Variants in CTNND2 observed in about 807,000 individuals in gnomAD.
CTNND2 encodes the protein catenin delta 2.
Under a neutral mutation model 144.4 loss-of-function variants are expected in CTNND2, and 22 were observed. The ratio of observed to expected loss-of-function variants is 0.15; its 90% CI spans 0.11 to 0.22. CTNND2 has a LOEUF of 0.22. CTNND2 is among the 10% of genes least tolerant of loss of function. CTNND2 has a pLI of 1.00. For synonymous variants in CTNND2, 751 were observed against 695.6 expected, an observed-to-expected ratio of 1.08 and a Z score of -1.25; for missense variants, 1,353 against 1,618.8, an observed-to-expected ratio of 0.84 and a Z score of 2.82.
intron 2 of CTNND2, among the ~76,000 whole-genome samples, chr5:11,591,746 T>A (rs1167012026): frequency 2.6e-5 from 4 of 152,168 alleles, no homozygotes; most frequent in African/African-American, 9.7e-5. Context: ...CTGCCTTTTG[T>A]GTATTTGTGT....
chr5:11,044,903 A>T (rs1745073214), intron 16 of CTNND2, among the ~76,000 whole-genome samples: 1 of 152,350 alleles, frequency 6.6e-6, no homozygotes, highest in East Asian at 1.9e-4. Flanking sequence ...CCCTTGGGCC[A>T]CCACTGGGGA....
chr5:11,482,824 A>T (rs890015376), intron 3 of CTNND2, among the ~76,000 whole-genome samples: 1 of 152,126 alleles, frequency 6.6e-6, no homozygotes, highest in African/African-American at 2.4e-5. Flanking sequence ...ATCAGCAAGG[A>T]GACCAAGGGG....
intron 9 of CTNND2, among the ~76,000 whole-genome samples, chr5:11,294,177 C>CA (rs34764407): frequency 0.09 from 11,916 of 133,032 alleles, 593 homozygotes; most frequent in South Asian, 0.16. Flanking sequence ...GTCACAATCT[C>CA]AAAAAAAAAA....
chr5:11,466,479 C>A (rs1220305820), intron 3 of CTNND2, among the ~76,000 whole-genome samples: 1 of 152,096 alleles, frequency 6.6e-6, no homozygotes, highest in Admixed American at 6.5e-5. Flanking sequence ...ATTCTATAAT[C>A]AAATCCACAC....
At chr5:11,163,944 T>G (rs1759041967) in intron 11 of CTNND2, among the ~76,000 whole-genome samples, 1 of 152,030 alleles carries the variant, frequency 6.6e-6, no homozygotes. Flanking sequence ...AAAACACAAA[T>G]TTATAGGTTT....
At chr5:11,098,320 T>C (rs1288201170) in intron 15 of CTNND2, among the ~76,000 whole-genome samples, 5 of 151,210 alleles carry the variant, frequency 3.3e-5, no homozygotes, top group Non-Finnish European at 5.9e-5. Context: ...ATGAAAAACA[T>C]TTCACAGCAT....
At chr5:11,658,044 A>C (rs1783006647) in intron 2 of CTNND2, among the ~76,000 whole-genome samples, 1 of 152,094 alleles carries the variant, frequency 6.6e-6, no homozygotes, top group African/African-American at 2.4e-5. Context: ...TTTATTACTA[A>C]AGCAAATTTT....
chr5:11,641,707 CGTGTGT>C (rs1191293450), intron 2 of CTNND2, among the ~76,000 whole-genome samples: 35 of 121,648 alleles, frequency 2.9e-4, no homozygotes, highest in African/African-American at 1.2e-3. Context: ...TATACATATA[CGTGTGT>C]GTATACATAT....
At chr5:11,487,223 G>C (rs186320187) in intron 3 of CTNND2, among the ~76,000 whole-genome samples, 148 of 152,108 alleles carry the variant, frequency 9.7e-4, no homozygotes, top group African/African-American at 3.3e-3. Flanking sequence ...TATACTCTTA[G>C]CTTCTACTTA....
intron 1 of CTNND2, among the ~76,000 whole-genome samples, chr5:11,878,839 A>G (rs1469405039): frequency 6.6e-6 from 1 of 152,190 alleles, no homozygotes; most frequent in Non-Finnish European, 1.5e-5. Context: ...ACATTGGGGC[A>G]CCATCATTTG....
intron 2 of CTNND2, among the ~76,000 whole-genome samples, chr5:11,714,622 G>C (rs1254624172): frequency 3.3e-5 from 5 of 151,986 alleles, no homozygotes; most frequent in Admixed American, 3.3e-4. Context: ...TAATAATTCA[G>C]GGGGCCTGGC....
intron 9 of CTNND2, among the ~76,000 whole-genome samples, chr5:11,338,498 C>T (rs1021315038): frequency 2.6e-5 from 4 of 152,100 alleles, no homozygotes; most frequent in Admixed American, 6.5e-5. Context: ...GGTCTGTATA[C>T]GAGAGCACAA....
intron 1 of CTNND2, among the ~76,000 whole-genome samples, chr5:11,758,309 CA>C (rs1254600078): frequency 6.6e-6 from 1 of 151,772 alleles, no homozygotes; most frequent in Non-Finnish European, 1.5e-5. Context: ...ATAATTAAAT[CA>C]GGATAGCTAA....
chr5:11,389,212 A>G (rs1759388736), intron 6 of CTNND2, among the ~76,000 whole-genome samples: 1 of 152,154 alleles, frequency 6.6e-6, no homozygotes, highest in African/African-American at 2.4e-5. Context: ...CCACTCCTTC[A>G]AAATGAGGAA....
chr5:11,410,639 T>A (rs1761439864), intron 5 of CTNND2, among the ~76,000 whole-genome samples: 1 of 152,148 alleles, frequency 6.6e-6, no homozygotes, highest in Admixed American at 6.5e-5. Flanking sequence ...CCATTCTGGT[T>A]GAAAAATACG....
chr5:11,109,938 T>A (rs372079372), intron 14 of CTNND2, among the ~76,000 whole-genome samples: 1 of 152,248 alleles, frequency 6.6e-6, no homozygotes, highest in African/African-American at 2.4e-5. Context: ...GTATCATCTA[T>A]ACCTATATCT....
chr5:11,880,032 C>G (rs1735912145), intron 1 of CTNND2, among the ~76,000 whole-genome samples: 2 of 152,182 alleles, frequency 1.3e-5, no homozygotes. Context: ...AACTGTCAAA[C>G]TCTCCATTCA....
In CTNND2 at chr5:11,904,120, A is replaced by G. The variant is rs1404218697; in HGVS notation, c.-267T>C. 2.6e-5 allele frequency: 4 copies of G among 151,120 alleles called. No individual in the cohort carries two copies. The highest frequency in any genetic ancestry group is 2.1e-4 in the South Asian group (1 of 4,774). The allele number at this position is 151,120 out of a possible 1,614,324, so 9.4% of individuals were successfully genotyped here. A position where few individuals can be genotyped will look rare whatever the true frequency, so the allele number is the denominator to read the frequency against. On this transcript the variant is annotated 5_prime_UTR_variant, in exon 1 of 22. Transcript: ENST00000304623. The surrounding 1 kb of genome is among the most constrained non-coding windows in gnomAD (Gnocchi z 4.2). Reference sequence around the variant, plus strand: ...CCCCCTGCCCGGCTCCGCGGGCTCCACGGGCTCCTGCGGGCTCCTCGGGGC... The same window carrying G: ...CCCCCTGCCCGGCTCCGCGGGCTCCGCGGGCTCCTGCGGGCTCCTCGGGGC...
intron 9 of CTNND2, among the ~76,000 whole-genome samples, chr5:11,276,484 G>C (rs1238448158): frequency 6.6e-6 from 1 of 152,102 alleles, no homozygotes; most frequent in East Asian, 1.9e-4. Context: ...AGTGATGGCA[G>C]CCCTGGGGCT....
Sources: allele counts gnomAD v4.1 joint callset (sites outside exome capture counted in the v4.1 genomes callset), GRCh38; gene constraint gnomAD v4.1.1; non-coding constraint Gnocchi (gnomAD v3.1); transcripts MANE v1.5; gene names NCBI Gene and HGNC (gene_info 2026-07-23, HGNC 2026-07-21).